Variants in RASAL1 observed in about 807,000 individuals in gnomAD.
The protein encoded by RASAL1 is rasGAP-activating-like protein 1.
A neutral mutation model predicts 96.6 loss-of-function variants in RASAL1; 72 were observed. The observed-to-expected ratio is 0.75, with a 90% CI of 0.62 to 0.91. The LOEUF (loss-of-function observed/expected upper bound fraction) is 0.91. Ranked by LOEUF, RASAL1 falls within the 40% of genes least tolerant of loss-of-function variation. The pLI, the probability that RASAL1 is intolerant of heterozygous loss-of-function variation, is 0.00. For synonymous variants in RASAL1, 405 were observed against 430.4 expected (o/e 0.94, Z 0.73); for missense variants, 1,016 against 1,072.5 (o/e 0.95, Z 0.74).
At chr12:113,133,564 T>C (rs1284945863) in intron 1 of RASAL1, among the ~76,000 whole-genome samples, 2 of 152,096 alleles carry the variant, frequency 1.3e-5, no homozygotes, top group East Asian at 3.9e-4. Flanking sequence ...AGAGGCCTCC[T>C]CCCGGGCCAG....
chr12:113,105,822 C>G lies in RASAL1; in HGVS notation c.1722G>C (p.Leu574=), dbSNP rs1322224421. 6.2e-7 allele frequency: 1 copy of G among 1,614,176 alleles called. No homozygotes were observed. The highest frequency in any genetic ancestry group is 2.2e-5 in the East Asian group (1 of 44,890). The change falls in exon 16 of 21, where the codon CTG becomes CTC. Residue 574 remains leucine (L), a synonymous_variant. Coordinates refer to ENST00000548055, the MANE Select transcript of RASAL1 (RefSeq NM_001301202.2). ...PSAIVREGYL[L]KRKEEPAGLA... is the part of the protein sequence containing the mutation. ...GGCCGGCAGGCTCCTCCTTGCGCTT[C>G]AGCAGATAGCCTTCTCGAACAATGG...
At position 113,119,108 on chromosome 12, in the gene RASAL1, T is replaced by C; in HGVS notation, c.642+20A>G. ...AGGCACTGGGGAGCCATGGAGGGTA[T>C]TGTAGGGAATGAGGCTCACCATGCC... On this transcript the variant is annotated intron_variant, in intron 7 of 20. Coordinates refer to ENST00000548055, the MANE Select transcript of RASAL1 (RefSeq NM_001301202.2). 1 of 1,586,462 alleles carries C rather than the reference T, an allele frequency of 6.3e-7. No individual in the cohort carries two copies.
intron 4 of RASAL1, among the ~76,000 whole-genome samples, chr12:113,126,422 C>T (rs1249528003): frequency 6.7e-6 from 1 of 149,778 alleles, no homozygotes; most frequent in African/African-American, 2.5e-5. Flanking sequence ...GGCTCACACC[C>T]GTTATCCCAG....
intron 13 of RASAL1, among the ~76,000 whole-genome samples, chr12:113,109,308 G>A (rs183929966): frequency 5.9e-5 from 9 of 152,138 alleles, no homozygotes; most frequent in African/African-American, 2.2e-4. Flanking sequence ...ACTCCATGTG[G>A]GTAGGTAAGT....
At chr12:113,104,327 G>A in intron 16 of RASAL1, 29 bp from the exon 17 acceptor site, 1 of 1,538,896 alleles carries the variant, frequency 6.5e-7, no homozygotes. Flanking sequence ...GCTGCAGGAT[G>A]GGCTGGGGGC....
In RASAL1 at chr12:113,135,591, C is replaced by T; in HGVS notation, c.-129G>A. ...TGGTCCCAGTGCCGCCTGTCCGAGA[C>T]CCGGGTAGCTGGATGGGAGATTTCC... On this transcript the variant is annotated 5_prime_UTR_variant, in exon 1 of 21. Coordinates refer to ENST00000548055, the MANE Select transcript of RASAL1 (RefSeq NM_001301202.2). This position sits in a 1 kb window ranked among gnomAD's most constrained non-coding sequence, Gnocchi z 5.7. 1 of 769,328 alleles carries T rather than the reference C, an allele frequency of 1.3e-6. No homozygotes were observed. The highest frequency in any genetic ancestry group is 3.4e-4 in the Middle Eastern group (1 of 2,934). 47.7% of individuals were successfully genotyped at this position (769,328 alleles called of 1,614,324 possible).
rs1166573422 is a variant in RASAL1, at chr12:113,119,177, AC to A, written c.592del (p.Val198TrpfsTer55). On this transcript the variant is annotated frameshift_variant, in exon 7 of 21. Coordinates refer to ENST00000548055, the MANE Select transcript of RASAL1 (RefSeq NM_001301202.2). LOFTEE classifies it high-confidence loss of function. ...CACCATGTCCCAGTCCCAGAGCTCC[AC>A]CCGCAGTGGGGACGGGGCACCTGGC... ...EMPGAPSPLR[V>X]ELWDWDMVGK... is the part of the protein sequence containing the mutation. 6.2e-7 allele frequency: 1 copy of A among 1,613,876 alleles called. No homozygotes were observed. The highest frequency in any genetic ancestry group is 1.7e-5 in the Admixed American group (1 of 59,988).
chr12:113,129,536 C>T lies in RASAL1; in HGVS notation c.122+1349G>A, dbSNP rs989506253. Among the ~76,000 whole-genome samples the T allele has an allele frequency of 6.6e-6, 1 of 152,152 alleles. No homozygotes were observed. The highest frequency in any genetic ancestry group is 1.9e-4 in the East Asian group (1 of 5,190). Reference sequence around the variant, plus strand: ...CCCAGAAACAGGTGCACACACACAGCATCTCTGCCCTGACATCCCTGCAGG... The same window carrying T: ...CCCAGAAACAGGTGCACACACACAGTATCTCTGCCCTGACATCCCTGCAGG... On this transcript the variant is annotated intron_variant, in intron 2 of 20. Coordinates refer to ENST00000548055, the MANE Select transcript of RASAL1 (RefSeq NM_001301202.2). This position sits in a 1 kb window ranked among gnomAD's most constrained non-coding sequence, Gnocchi z 5.0.
intron 1 of RASAL1, among the ~76,000 whole-genome samples, chr12:113,134,191 G>A (rs867911754): frequency 2.6e-5 from 4 of 152,332 alleles, no homozygotes; most frequent in Middle Eastern, 3.4e-3. Flanking sequence ...CACACACTCT[G>A]CTTCTCATTC....
rs986186312 is a variant in RASAL1 at position 113,129,783 on chromosome 12, C to A, written c.122+1102G>T. ...CCCAGCGGCACCAACCTCAGATGGA[C>A]CCCCAGTGCTTCCTCCCAAATACCC... On this transcript the variant is annotated intron_variant, in intron 2 of 20. Transcript: ENST00000548055. This position sits in a 1 kb window ranked among gnomAD's most constrained non-coding sequence, Gnocchi z 5.0. Among the ~76,000 whole-genome samples, 10 of 152,190 alleles carry A rather than the reference C, an allele frequency of 6.6e-5. No individual in the cohort carries two copies. Among genetic ancestry groups the A allele is most frequent in the Admixed American group, 5.2e-4 (8 of 15,286 alleles).
chr12:113,112,341 A>ACCGG (rs1242101504), intron 12 of RASAL1, 63 bp from the exon 13 acceptor site: 3 of 1,206,146 alleles, frequency 2.5e-6, no homozygotes, highest in Non-Finnish European at 3.2e-6. Flanking sequence ...CAAACCCTCC[A>ACCGG]CCGGCCCCGC....
At chr12:113,109,460 G>A (rs891975405) in intron 13 of RASAL1, among the ~76,000 whole-genome samples, 1 of 152,072 alleles carries the variant, frequency 6.6e-6, no homozygotes, top group Non-Finnish European at 1.5e-5. Context: ...TCCCCTCCAT[G>A]TGAATCCGGG....
chr12:113,114,951 C>A, intron 11 of RASAL1, 39 bp from the exon 12 acceptor site: 1 of 1,522,508 alleles, frequency 6.6e-7, no homozygotes. Flanking sequence ...GGGCTGAGGG[C>A]GAGGCCGGGG....
chr12:113,100,094 G>A (rs1315736851), intron 20 of RASAL1, 26 bp from the exon 21 acceptor site: 1 of 1,569,474 alleles, frequency 6.4e-7, no homozygotes, highest in Non-Finnish European at 8.7e-7. Context: ...GAGGCCACAG[G>A]GGCTCAGCCA....
At position 113,105,756 on chromosome 12, in the gene RASAL1, G is replaced by A. The variant is rs781760921; in HGVS notation, c.1788C>T (p.Leu596=). 3.1e-6 allele frequency: 5 copies of A among 1,613,698 alleles called. No homozygotes were observed. The highest frequency in any genetic ancestry group is 3.4e-6 in the Non-Finnish European group (4 of 1,179,700). The stretch of plus-strand genomic sequence containing the variant: ...TGGAGAAGGAGAGGGTCTCCCCGCT[G>A]AGCCAGACGTAGCGCTTCTTGAAGG... The part of the protein sequence containing the change: ...RFAFKKRYVW[L]SGETLSFSKS... Residue 596 remains leucine (L), a synonymous_variant, in exon 16 of 21, where the codon CTC becomes CTT. Coordinates refer to ENST00000548055, the MANE Select transcript of RASAL1 (RefSeq NM_001301202.2).
At chr12:113,122,014 T>C (rs954308956) in intron 4 of RASAL1, among the ~76,000 whole-genome samples, 2 of 152,154 alleles carry the variant, frequency 1.3e-5, no homozygotes, top group East Asian at 1.9e-4. Flanking sequence ...TGAGCCACTA[T>C]GTCCTGCCTC....
intron 4 of RASAL1, among the ~76,000 whole-genome samples, chr12:113,126,727 CAA>C (rs1197864110): frequency 6.7e-6 from 1 of 149,316 alleles, no homozygotes; most frequent in African/African-American, 2.5e-5. Flanking sequence ...CACACACACA[CAA>C]AAGGCATAGA....
chr12:113,104,752 C>A (rs2701619), intron 16 of RASAL1, among the ~76,000 whole-genome samples: 1 of 152,128 alleles, frequency 6.6e-6, no homozygotes, highest in East Asian at 1.9e-4. Flanking sequence ...TCTGCCCACC[C>A]CGGCCTCCCA....
intron 12 of RASAL1, among the ~76,000 whole-genome samples, chr12:113,113,443 CCT>C (rs1440736381): frequency 6.6e-6 from 1 of 152,178 alleles, no homozygotes; most frequent in East Asian, 1.9e-4. Context: ...CCTACATGCC[CCT>C]GTCCCCATGG....
Sources: gnomAD v4.1 joint callset for allele counts (sites outside exome capture counted in the v4.1 genomes callset) on GRCh38, gnomAD v4.1.1 for gene constraint, Gnocchi (gnomAD v3.1) non-coding constraint, MANE v1.5 for transcripts, NCBI Gene and HGNC (gene_info 2026-07-23, HGNC 2026-07-21) for gene names.